COL4A3: variants seen among roughly 807,000 people sequenced by gnomAD.
COL4A3 encodes collagen type IV alpha 3 chain.
COL4A3 carries 135 observed loss-of-function variants against 217.4 expected under a neutral mutation model. That is an observed-to-expected ratio of 0.62 (90% confidence interval 0.54 to 0.72). The LOEUF (loss-of-function observed/expected upper bound fraction) is 0.72. Among genes scored for constraint, COL4A3 ranks in the 30% least tolerant of loss-of-function variants. The probability of loss-of-function intolerance (pLI) is 0.00; values close to 1 mark genes in which losing one functional copy is unlikely to be tolerated. For missense variants in COL4A3, 1,868 were observed against 2,119.9 expected (o/e 0.88, Z 2.33); for synonymous variants, 690 against 736.3 (o/e 0.94, Z 1.02).
chr2:227,223,701 G>A (rs978689547), intron 1 of COL4A3, among the ~76,000 whole-genome samples: 10 of 152,242 alleles, frequency 6.6e-5, no homozygotes, highest in Admixed American at 2.0e-4. Context: ...GCCACTGCAC[G>A]CCAACCTGGG....
In COL4A3 at chr2:227,171,062, A is replaced by T. The variant is rs148392923; in HGVS notation, c.87+6249A>T. On this transcript the variant is annotated intron_variant, in intron 1 of 51. Transcript: ENST00000396578. Reference sequence around the variant, plus strand: ...TGGCACTAATATGGAAAAGTGAATTAACAAATGTAGCATTTAATGGCTTAT... The same window carrying T: ...TGGCACTAATATGGAAAAGTGAATTTACAAATGTAGCATTTAATGGCTTAT... 1.6e-4 allele frequency among the ~76,000 whole-genome samples: 25 copies of T among 152,334 alleles called. No homozygotes were observed. In the East Asian group the frequency reaches 4.8e-3, roughly 29 times the overall value.
chr2:227,204,230 A>G (rs1445367532), intron 1 of COL4A3, among the ~76,000 whole-genome samples: 1 of 152,184 alleles, frequency 6.6e-6, no homozygotes, highest in Non-Finnish European at 1.5e-5. Flanking sequence ...GTAATATGCA[A>G]TAAGGATTAA....
intron 1 of COL4A3, among the ~76,000 whole-genome samples, chr2:227,173,342 G>A (rs572281369): frequency 1.3e-5 from 2 of 152,170 alleles, no homozygotes; most frequent in South Asian, 4.2e-4. Context: ...TCACTTTATG[G>A]TGACGAAATA....
In COL4A3 at chr2:227,266,330, T is replaced by C. The variant is rs2070886700; in HGVS notation, c.1316-87T>C. 5.1e-6 allele frequency: 5 copies of C among 986,114 alleles called. No individual in the cohort carries two copies. The Admixed American group carries it at 7.9e-5, about 16-fold the overall frequency. 61.1% of individuals were successfully genotyped at this position (986,114 alleles called of 1,614,324 possible). On this transcript the variant is annotated intron_variant, in intron 21 of 51. Transcript: ENST00000396578. ...GCTTCCAATACAAAGATGAGAGAGA[T>C]GCATTTTAAATAATACATATATTAC...
At chr2:227,249,701 G>A (rs1166321312) in intron 9 of COL4A3, among the ~76,000 whole-genome samples, 4 of 152,120 alleles carry the variant, frequency 2.6e-5, no homozygotes. Context: ...AAAAAATGCA[G>A]AATGATGCAA....
In COL4A3 at chr2:227,307,767, C is replaced by A. The variant is rs773926698; in HGVS notation, c.4310C>A (p.Ser1437Ter). 4 of 1,614,190 alleles carry A rather than the reference C, an allele frequency of 2.5e-6. No homozygotes were observed. The highest frequency in any genetic ancestry group is 8.5e-7 in the Non-Finnish European group (1 of 1,180,026). Reference protein sequence around the residue: ...GLKGKRGDSGSPATWTTRGFV... With the variant: ...GLKGKRGDSG The stretch of plus-strand genomic sequence containing the variant: ...AAAGGAAAACGTGGAGACAGTGGAT[C>A]ACCTGCAACCTGGACAACGAGAGGC... The change falls in exon 48 of 52, where the codon TCA becomes TAA. Residue 1437 changes from serine to a stop codon, truncating the protein, a stop_gained. Coordinates refer to ENST00000396578, the MANE Select transcript of COL4A3 (RefSeq NM_000091.5). LOFTEE classifies it high-confidence loss of function.
intron 34 of COL4A3, among the ~76,000 whole-genome samples, chr2:227,287,304 G>T (rs1326390102): frequency 6.6e-6 from 1 of 152,080 alleles, no homozygotes; most frequent in Non-Finnish European, 1.5e-5. Context: ...GGTGGCACAC[G>T]CCTGTAATCC....
chr2:227,260,205 G>A (rs2070464443), intron 19 of COL4A3: 9 of 459,858 alleles, frequency 2.0e-5, no homozygotes, highest in South Asian at 9.2e-5. Context: ...TGGAGACCGC[G>A]AACAAACTCA....
chr2:227,230,130 C>T (rs1287145904), intron 1 of COL4A3, among the ~76,000 whole-genome samples: 4 of 151,828 alleles, frequency 2.6e-5, no homozygotes, highest in South Asian at 4.2e-4. Context: ...TAGATGGGTC[C>T]GTATATATTC....
rs1320001305 is a variant in COL4A3 at position 227,311,947 on chromosome 2, A to G, written c.*77A>G. 6.3e-7 allele frequency: 1 copy of G among 1,582,360 alleles called. No individual in the cohort carries two copies. On this transcript the variant is annotated 3_prime_UTR_variant, in exon 52 of 52. Transcript: ENST00000396578. Reference sequence around the variant, plus strand: ...TGACAGAACATGCTGTTATTTAGGTATTTTTCTTTAACCAAACAATATTGC... The same window carrying G: ...TGACAGAACATGCTGTTATTTAGGTGTTTTTCTTTAACCAAACAATATTGC...
intron 44 of COL4A3, 75 bp downstream of exon 44, chr2:227,303,185 T>C: frequency 7.7e-7 from 1 of 1,302,268 alleles, no homozygotes. Flanking sequence ...CACAAGTGTT[T>C]GCTGAAGTAC....
chr2:227,169,519 T>G (rs2065401577), intron 1 of COL4A3, among the ~76,000 whole-genome samples: 1 of 151,784 alleles, frequency 6.6e-6, no homozygotes, highest in South Asian at 2.1e-4. Flanking sequence ...AGTGTAAAAG[T>G]GTTCCTATTT....
chr2:227,263,923 C>T lies in COL4A3; in HGVS notation c.1294C>T (p.Pro432Ser). Residue 432 changes from proline (P) to serine (S), a missense_variant, in exon 21 of 52, where the codon CCG becomes TCG. Pro to Ser is a moderately conservative substitution (Grantham distance 74). Coordinates refer to ENST00000396578, the MANE Select transcript of COL4A3 (RefSeq NM_000091.5). ...CAGSPGLPGS[P>S]GPPGPPGDIV... is the part of the protein sequence containing the mutation. ...TGGTTCACCAGGTCTTCCAGGATCA[C>T]CGGGACCTCCAGGACCGCCAGGTAA... 3.7e-6 allele frequency: 6 copies of T among 1,614,156 alleles called. No individual in the cohort carries two copies. The highest frequency in any genetic ancestry group is 5.1e-6 in the Non-Finnish European group (6 of 1,180,014).
At chr2:227,218,282 C>T (rs902810267) in intron 1 of COL4A3, among the ~76,000 whole-genome samples, 5 of 151,626 alleles carry the variant, frequency 3.3e-5, no homozygotes, top group African/African-American at 7.3e-5. Context: ...CTGGCTAACA[C>T]GGTGAAACCC....
Position 227,306,764 on chromosome 2 carries a change from G to C in COL4A3, c.4253-946G>C, listed in dbSNP as rs952643707. ...GACTCCCAGGGGCACGGATGTCCCA[G>C]GGGCAACAAAACTAATTCCTGTGAT... is the stretch of plus-strand genomic sequence containing the variant. On this transcript the variant is annotated intron_variant, in intron 47 of 51. Transcript: ENST00000396578. Among the ~76,000 whole-genome samples, 15 of 152,232 alleles carry C rather than the reference G, an allele frequency of 9.9e-5. No individual in the cohort carries two copies. The South Asian group carries it at 3.1e-3, about 32-fold the overall frequency.
At chr2:227,183,984 T>C (rs1443774206) in intron 1 of COL4A3, among the ~76,000 whole-genome samples, 1 of 152,212 alleles carries the variant, frequency 6.6e-6, no homozygotes, top group African/African-American at 2.4e-5. Context: ...TATTTAACTT[T>C]TCTTCAATTT....
chr2:227,209,265 A>G (rs1574575891), intron 1 of COL4A3, among the ~76,000 whole-genome samples: 1 of 152,218 alleles, frequency 6.6e-6, no homozygotes, highest in African/African-American at 2.4e-5. Flanking sequence ...AGATGGTCCA[A>G]TTCAGATGCA....
Position 227,284,447 on chromosome 2 carries a change from C to T in COL4A3, c.2881+102C>T, listed in dbSNP as rs530745081. The T allele has an allele frequency of 6.9e-5, 94 of 1,364,724 alleles. 1 individual carries two copies. In the South Asian group the frequency reaches 1.2e-3, roughly 17 times the overall value. The allele number at this position is 1,364,724 out of a possible 1,614,324, so 84.5% of individuals were successfully genotyped here. ...GGTTGACAAATAAGGACAGTGAGGG[C>T]CAGTGTTTAGTTACCTGCCCATCAC... On this transcript the variant is annotated intron_variant, in intron 34 of 51. Transcript: ENST00000396578.
Position 227,254,100 on chromosome 2 carries a change from T to C in COL4A3, c.766-12T>C. ...ATCCATTTGTAACAATGTTGAACTG[T>C]TTCTTTGGCAGGACCTCAAGGGGGA... is the stretch of plus-strand genomic sequence containing the variant. On this transcript the variant is annotated splice_polypyrimidine_tract_variant and intron_variant, in intron 13 of 51. Coordinates refer to ENST00000396578, the MANE Select transcript of COL4A3 (RefSeq NM_000091.5). 3.1e-6 allele frequency: 5 copies of C among 1,613,230 alleles called. No individual in the cohort carries two copies. The highest frequency in any genetic ancestry group is 4.2e-6 in the Non-Finnish European group (5 of 1,179,268).
Sources: allele counts gnomAD v4.1 joint callset (sites outside exome capture counted in the v4.1 genomes callset), GRCh38; gene constraint gnomAD v4.1.1; transcripts MANE v1.5; gene names NCBI Gene and HGNC (gene_info 2026-07-23, HGNC 2026-07-21).